DNAJC24: variants seen among roughly 807,000 people sequenced by gnomAD.
The protein encoded by DNAJC24 is DnaJ heat shock protein family (Hsp40) member C24.
DNAJC24 carries 17 observed loss-of-function variants against 18.0 expected under a neutral mutation model. The observed-to-expected ratio is 0.94, with a 90% confidence interval of 0.65 to 1.42. The LOEUF is 1.42. DNAJC24 is among the 40% of genes most tolerant of loss of function. The probability of loss-of-function intolerance (pLI) is 0.00; values close to 1 mark genes in which losing one functional copy is unlikely to be tolerated. For missense variants in DNAJC24, 158 were observed against 175.6 expected (o/e 0.90, Z 0.57); for synonymous variants, 55 against 57.7 (o/e 0.95, Z 0.21).
chr11:31,386,113 A>G (rs1318081734), intron 2 of DNAJC24, among the ~76,000 whole-genome samples: 1 of 152,094 alleles, frequency 6.6e-6, no homozygotes, highest in Admixed American at 6.6e-5. Flanking sequence ...AATTCCAGCA[A>G]ACCCTGCCAC....
intron 2 of DNAJC24, among the ~76,000 whole-genome samples, chr11:31,379,874 C>T (rs1259355752): frequency 6.6e-6 from 1 of 152,126 alleles, no homozygotes; most frequent in Non-Finnish European, 1.5e-5. Flanking sequence ...TCTCCTCCCT[C>T]AGCCTCCCAA....
At position 31,421,441 on chromosome 11, in the gene DNAJC24, A is replaced by G. The variant is rs191381089; in HGVS notation, c.251-4846A>G. ...AGTGGACTAATTGCTAAATGAGAGC[A>G]TCGTGGGGATGTGATGATCATGTGA... On this transcript the variant is annotated intron_variant, in intron 3 of 4. Transcript: ENST00000465995. 1.1e-3 allele frequency among the ~76,000 whole-genome samples: 161 copies of G among 152,282 alleles called. 2 individuals carry two copies. Among genetic ancestry groups the G allele is most frequent in the African/African-American group, 3.5e-3 (146 of 41,580 alleles).
At chr11:31,387,426 GA>G (rs1039642011) in intron 2 of DNAJC24, among the ~76,000 whole-genome samples, 30 of 152,124 alleles carry the variant, frequency 2.0e-4, no homozygotes, top group African/African-American at 7.2e-4. Flanking sequence ...GTATTTGGGG[GA>G]AAATAAGGGA....
chr11:31,380,830 C>G (rs1159697359), intron 2 of DNAJC24, among the ~76,000 whole-genome samples: 1 of 152,096 alleles, frequency 6.6e-6, no homozygotes, highest in African/African-American at 2.4e-5. Context: ...AACCATGGAT[C>G]TGCTTTCTGT....
chr11:31,386,858 G>A (rs906177472), intron 2 of DNAJC24, among the ~76,000 whole-genome samples: 1 of 152,164 alleles, frequency 6.6e-6, no homozygotes, highest in African/African-American at 2.4e-5. Flanking sequence ...GGGCCAGGAG[G>A]AGCCCACTGC....
intron 3 of DNAJC24, among the ~76,000 whole-genome samples, chr11:31,420,749 C>CG (rs931842838): frequency 7.2e-5 from 11 of 152,010 alleles, no homozygotes; most frequent in African/African-American, 2.7e-4. Flanking sequence ...AGTAGTTGAT[C>CG]GGGGGGGAAT....
intron 2 of DNAJC24, among the ~76,000 whole-genome samples, chr11:31,382,958 G>A (rs143988618): frequency 5.8e-4 from 89 of 152,248 alleles, no homozygotes; most frequent in Non-Finnish European, 1.2e-3. Flanking sequence ...ATTTGCTGAA[G>A]CAGCTTACAG....
intron 1 of DNAJC24, among the ~76,000 whole-genome samples, 187 bp downstream of exon 1, chr11:31,370,099 G>C (rs889404326): frequency 1.3e-5 from 2 of 152,134 alleles, no homozygotes; most frequent in African/African-American, 4.8e-5. Flanking sequence ...CTCTCTTCTG[G>C]AGCGTGGAAG....
chr11:31,392,709 C>CTTTTTTTT (rs1194936438), intron 2 of DNAJC24, among the ~76,000 whole-genome samples: 1 of 129,324 alleles, frequency 7.7e-6, no homozygotes, highest in African/African-American at 2.8e-5. Context: ...TCACAATTTT[C>CTTTTTTTT]TTTTTTTTTT....
chr11:31,370,851 A>G lies in DNAJC24; in HGVS notation c.103A>G (p.Ile35Val), dbSNP rs1952228730. The G allele has an allele frequency of 6.3e-7, 1 of 1,583,640 alleles. No individual in the cohort carries two copies. Among genetic ancestry groups the G allele is most frequent in the Non-Finnish European group, 8.6e-7 (1 of 1,157,894 alleles). Reference protein sequence around the residue: ...SDLKQKYQKLILMYHPDKQST... With the variant: ...SDLKQKYQKLVLMYHPDKQST... ...CCTAAAACAAAAATATCAAAAACTCATATTAATGGTAAGTCTTTTCTTTCA... is the reference window on the plus strand; with the variant it reads ...CCTAAAACAAAAATATCAAAAACTCGTATTAATGGTAAGTCTTTTCTTTCA... Residue 35 changes from isoleucine to valine, a missense_variant, in exon 2 of 5, where the codon ATA becomes GTA. Transcript: ENST00000465995.
intron 3 of DNAJC24, among the ~76,000 whole-genome samples, chr11:31,424,616 A>G (rs1246701035): frequency 6.6e-6 from 1 of 152,212 alleles, no homozygotes; most frequent in Non-Finnish European, 1.5e-5. Context: ...TATCCAGTAG[A>G]CATACAGAGA....
intron 2 of DNAJC24, among the ~76,000 whole-genome samples, chr11:31,375,640 G>A (rs1403277096): frequency 7.4e-6 from 1 of 134,540 alleles, no homozygotes; most frequent in African/African-American, 2.5e-5. Context: ...AGATAGGAGG[G>A]ACCTGTCTTC....
chr11:31,378,062 A>G (rs910519953), intron 2 of DNAJC24, among the ~76,000 whole-genome samples: 6 of 152,144 alleles, frequency 3.9e-5, no homozygotes, highest in East Asian at 1.9e-4. Context: ...GACCTGTACT[A>G]TAGTCAGAAG....
At chr11:31,422,804 A>T (rs2133503422) in intron 3 of DNAJC24, among the ~76,000 whole-genome samples, 1 of 152,228 alleles carries the variant, frequency 6.6e-6, no homozygotes, top group South Asian at 2.1e-4. Context: ...AAGAAAAAAA[A>T]ACACATTGAT....
chr11:31,416,902 C>T lies in DNAJC24; in HGVS notation c.250+1953C>T, dbSNP rs575117657. On this transcript the variant is annotated intron_variant, in intron 3 of 4. Coordinates refer to ENST00000465995, the MANE Select transcript of DNAJC24 (RefSeq NM_181706.5). Reference sequence around the variant, plus strand: ...GCGGATTTCTTTTGAGCTTTGAGTCCTACTTTTAAGATCTTAATGGAAGCA... The same window carrying T: ...GCGGATTTCTTTTGAGCTTTGAGTCTTACTTTTAAGATCTTAATGGAAGCA... 6.6e-5 allele frequency: 10 copies of T among 152,160 alleles called. No homozygotes were observed. In the South Asian group the frequency reaches 1.5e-3, roughly 22 times the overall value. The allele number at this position is 152,160 out of a possible 1,614,324, so 9.4% of individuals were successfully genotyped here.
chr11:31,378,319 A>G (rs1339572441), intron 2 of DNAJC24, among the ~76,000 whole-genome samples: 1 of 152,140 alleles, frequency 6.6e-6, no homozygotes, highest in Non-Finnish European at 1.5e-5. Flanking sequence ...TTATTAATAT[A>G]TAGAATGCAT....
chr11:31,373,902 TA>T (rs1226107511), intron 2 of DNAJC24, among the ~76,000 whole-genome samples: 1 of 135,592 alleles, frequency 7.4e-6, no homozygotes, highest in African/African-American at 2.5e-5. Flanking sequence ...TGTTGATTGA[TA>T]GTATATAAAA....
chr11:31,382,938 T>A (rs1442334870), intron 2 of DNAJC24, among the ~76,000 whole-genome samples: 2 of 152,204 alleles, frequency 1.3e-5, no homozygotes, highest in Admixed American at 6.5e-5. Flanking sequence ...TCCTTCTTTG[T>A]TCTCAATTGA....
Position 31,370,710 on chromosome 11 carries a change from A to C in DNAJC24, c.-33-6A>C. Reference sequence around the variant, plus strand: ...GTGATGAATTGTCATTAATATTTCTATTCAGCTAATCTGAGAAGGCCCACT... The same window carrying C: ...GTGATGAATTGTCATTAATATTTCTCTTCAGCTAATCTGAGAAGGCCCACT... On this transcript the variant is annotated splice_polypyrimidine_tract_variant and splice_region_variant and intron_variant, in intron 1 of 4. Coordinates refer to ENST00000465995, the MANE Select transcript of DNAJC24 (RefSeq NM_181706.5). 2.2e-6 allele frequency: 3 copies of C among 1,366,140 alleles called. No homozygotes were observed. Among genetic ancestry groups the C allele is most frequent in the Non-Finnish European group, 3.1e-6 (3 of 980,372 alleles). 84.6% of individuals were successfully genotyped at this position (1,366,140 alleles called of 1,614,324 possible). A position where few individuals can be genotyped will look rare whatever the true frequency, so the allele number is the denominator to read the frequency against.
Sources: gnomAD v4.1 joint callset for allele counts (sites outside exome capture counted in the v4.1 genomes callset) on GRCh38, gnomAD v4.1.1 for gene constraint, MANE v1.5 for transcripts, NCBI Gene and HGNC (gene_info 2026-07-23, HGNC 2026-07-21) for gene names.